The following PSMD1 variants were observed in gnomAD, a reference collection of about 807,000 sequenced individuals.
PSMD1 encodes 26S proteasome non-ATPase regulatory subunit 1.
PSMD1 carries 18 observed loss-of-function variants against 119.0 expected under a neutral mutation model. That is an observed-to-expected ratio of 0.15 (90% CI 0.10 to 0.22). The LOEUF is 0.22. Ranked by LOEUF, PSMD1 falls within the 10% of genes least tolerant of loss-of-function variation. The pLI, the probability that PSMD1 is intolerant of heterozygous loss-of-function variation, is 1.00. For synonymous variants in PSMD1, 374 were observed against 396.6 expected, an observed-to-expected ratio of 0.94 and a Z score of 0.68; for missense variants, 702 against 1,158.5, an observed-to-expected ratio of 0.61 and a Z score of 5.72.
intron 16 of PSMD1, among the ~76,000 whole-genome samples, chr2:231,126,011 T>C (rs1349336500): frequency 6.6e-6 from 1 of 152,246 alleles, no homozygotes; most frequent in Non-Finnish European, 1.5e-5. Context: ...CAAAATTTAC[T>C]ATATTAGAAA....
At chr2:231,164,105 A>G (rs969765437) in intron 21 of PSMD1, among the ~76,000 whole-genome samples, 2 of 152,096 alleles carry the variant, frequency 1.3e-5, no homozygotes, top group Non-Finnish European at 2.9e-5. Context: ...TGCCTTTACT[A>G]TGTGTAGTAC....
chr2:231,150,561 A>G (rs1375661552), intron 18 of PSMD1, among the ~76,000 whole-genome samples: 2 of 152,072 alleles, frequency 1.3e-5, no homozygotes, highest in Non-Finnish European at 2.9e-5. Flanking sequence ...TTATTAATTC[A>G]TTATCATTTA....
At chr2:231,109,784 A>G (rs1695092841) in intron 16 of PSMD1, among the ~76,000 whole-genome samples, 1 of 152,142 alleles carries the variant, frequency 6.6e-6, no homozygotes, top group South Asian at 2.1e-4. Context: ...CTTTTTTCTT[A>G]TTATCCAGTG....
chr2:231,097,951 T>G (rs1694763609), intron 16 of PSMD1, among the ~76,000 whole-genome samples: 1 of 152,140 alleles, frequency 6.6e-6, no homozygotes. Context: ...GCTGACTGAT[T>G]GATAACCTGT....
At chr2:231,059,737 C>G (rs937599537) in intron 1 of PSMD1, among the ~76,000 whole-genome samples, 6 of 152,162 alleles carry the variant, frequency 3.9e-5, no homozygotes, top group Admixed American at 3.9e-4. Context: ...TCAATTGATT[C>G]AACAGTTTTA....
intron 6 of PSMD1, among the ~76,000 whole-genome samples, chr2:231,071,060 A>G (rs541492317): frequency 6.6e-6 from 1 of 152,220 alleles, no homozygotes; most frequent in South Asian, 2.1e-4. Flanking sequence ...TTGATTTTTT[A>G]CATCACCCAA....
intron 16 of PSMD1, among the ~76,000 whole-genome samples, chr2:231,134,914 GCTGT>G (rs1200303778): frequency 5.3e-5 from 8 of 152,306 alleles, no homozygotes; most frequent in East Asian, 3.9e-4. Flanking sequence ...GAAAATACTT[GCTGT>G]CTAAGTCTCT....
At chr2:231,157,327 G>A (rs1438188249) in intron 19 of PSMD1, among the ~76,000 whole-genome samples, 1 of 150,954 alleles carries the variant, frequency 6.6e-6, no homozygotes, top group Non-Finnish European at 1.5e-5. Context: ...AGAATTAGGG[G>A]AGGATAATTC....
intron 16 of PSMD1, chr2:231,113,612 A>G (rs1695231074): frequency 2.3e-6 from 2 of 854,476 alleles, no homozygotes; most frequent in East Asian, 2.4e-5. Context: ...TTAATGTATC[A>G]GTAGGCTGGC....
rs1694063435 is a variant in PSMD1 at position 231,072,420 on chromosome 2, A to C, written c.881+5A>C. 6.3e-7 allele frequency: 1 copy of C among 1,589,964 alleles called. No homozygotes were observed. The highest frequency in any genetic ancestry group is 1.7e-5 in the Admixed American group (1 of 59,744). On this transcript the variant is annotated splice_donor_5th_base_variant and intron_variant, in intron 7 of 24. Coordinates refer to ENST00000308696, the MANE Select transcript of PSMD1 (RefSeq NM_002807.4). ...TCCGGGATCAGAGAAAGACAGGTATAAGTACCTTTTTCTGCATCAAAACTA... is the reference window on the plus strand; with the variant it reads ...TCCGGGATCAGAGAAAGACAGGTATCAGTACCTTTTTCTGCATCAAAACTA...
intron 16 of PSMD1, among the ~76,000 whole-genome samples, chr2:231,129,211 T>C (rs182014509): frequency 3.1e-4 from 47 of 152,306 alleles, no homozygotes; most frequent in Non-Finnish European, 5.7e-4. Context: ...CAAAGAAATA[T>C]CAATACAGTT....
At chr2:231,131,838 A>G (rs1238293551) in intron 16 of PSMD1, among the ~76,000 whole-genome samples, 1 of 152,084 alleles carries the variant, frequency 6.6e-6, no homozygotes, top group Non-Finnish European at 1.5e-5. Flanking sequence ...TGAAATAAAC[A>G]TATAAGAATA....
intron 16 of PSMD1, among the ~76,000 whole-genome samples, chr2:231,100,188 A>G (rs1207659336): frequency 1.3e-5 from 2 of 152,190 alleles, no homozygotes; most frequent in Admixed American, 6.5e-5. Context: ...TTTCGATGCT[A>G]CAAAAGGAAT....
At chr2:231,109,790 C>T (rs186873428) in intron 16 of PSMD1, among the ~76,000 whole-genome samples, 4 of 152,212 alleles carry the variant, frequency 2.6e-5, no homozygotes, top group Non-Finnish European at 4.4e-5. Context: ...TCTTATTATC[C>T]AGTGTAGTTG....
At chr2:231,162,069 A>T (rs1276303990) in intron 20 of PSMD1, among the ~76,000 whole-genome samples, 2 of 152,370 alleles carry the variant, frequency 1.3e-5, no homozygotes, top group Admixed American at 6.5e-5. Context: ...AACAAGACCA[A>T]CTGTGAGGAG....
chr2:231,106,181 C>G (rs1245867093), intron 16 of PSMD1, among the ~76,000 whole-genome samples: 1 of 151,950 alleles, frequency 6.6e-6, no homozygotes, highest in Non-Finnish European at 1.5e-5. Flanking sequence ...AATGGAAATA[C>G]CAGTTCTGCA....
rs529042591 is a variant in PSMD1 at position 231,056,916 on chromosome 2, G to C, written c.-110G>C. 1 of 1,440,962 alleles carries C rather than the reference G, an allele frequency of 6.9e-7. No homozygotes were observed. The highest frequency in any genetic ancestry group is 9.4e-7 in the Non-Finnish European group (1 of 1,063,018). The allele number at this position is 1,440,962 out of a possible 1,614,324, so 89.3% of individuals were successfully genotyped here. ...GCCTGAGGAGGCGACTGACTGAGCA[G>C]CGCACCCGGGGAGCAAGGAGGCGCG... is the stretch of plus-strand genomic sequence containing the variant. On this transcript the variant is annotated 5_prime_UTR_variant, in exon 1 of 25. Transcript: ENST00000308696.
intron 16 of PSMD1, among the ~76,000 whole-genome samples, chr2:231,090,055 T>C (rs1435257514): frequency 6.6e-6 from 1 of 152,192 alleles, no homozygotes; most frequent in African/African-American, 2.4e-5. Flanking sequence ...GAATTACTGG[T>C]CAGAAAAAAG....
In PSMD1 at chr2:231,109,119, C is replaced by G. The variant is rs146711044; in HGVS notation, c.1883+21938C>G. 1.6e-4 allele frequency: 263 copies of G among 1,613,958 alleles called. No individual in the cohort carries two copies. The highest frequency in any genetic ancestry group is 2.1e-4 in the Non-Finnish European group (251 of 1,179,946). ...TCCTTTCGAGAACCATCCAGCATTGCCACCTTTTCCGGTGACGAGCAAGGT... is the reference window on the plus strand; with the variant it reads ...TCCTTTCGAGAACCATCCAGCATTGGCACCTTTTCCGGTGACGAGCAAGGT... On this transcript the variant is annotated intron_variant, in intron 16 of 24. Transcript: ENST00000308696.
Sources: allele counts gnomAD v4.1 joint callset (sites outside exome capture counted in the v4.1 genomes callset), GRCh38; gene constraint gnomAD v4.1.1; transcripts MANE v1.5; gene names NCBI Gene and HGNC (gene_info 2026-07-23, HGNC 2026-07-21).